PVT1: variants seen among roughly 807,000 people sequenced by gnomAD.
PVT1 encodes CXCR4/PVT1 fusion.
intron 4 of PVT1, among the ~76,000 whole-genome samples, chr8:128,042,965 T>C (rs1813563983): frequency 6.6e-6 from 1 of 151,944 alleles, no homozygotes; most frequent in Non-Finnish European, 1.5e-5. Flanking sequence ...GGTTTCACCA[T>C]GTTGGCCAGG....
chr8:127,939,634 T>G (rs941874462), intron 3 of PVT1: 2 of 152,228 alleles, frequency 1.3e-5, no homozygotes, highest in Non-Finnish European at 2.9e-5. Context: ...CGTGGCTCCC[T>G]TGGTGTTCCC....
intron 3 of PVT1, among the ~76,000 whole-genome samples, chr8:127,903,227 GTCT>G (rs1370944197): frequency 6.6e-6 from 1 of 152,226 alleles, no homozygotes; most frequent in Non-Finnish European, 1.5e-5. Flanking sequence ...CTGCATGAAT[GTCT>G]TCTTTTGAGC....
At chr8:127,874,684 G>A (rs1014314054) in intron 2 of PVT1, among the ~76,000 whole-genome samples, 1 of 152,212 alleles carries the variant, frequency 6.6e-6, no homozygotes, top group African/African-American at 2.4e-5. Flanking sequence ...TGGCCTGATT[G>A]TGAAGCGGGT....
intron 3 of PVT1, among the ~76,000 whole-genome samples, chr8:127,987,091 C>T (rs1301998629): frequency 6.6e-6 from 1 of 152,156 alleles, no homozygotes; most frequent in Admixed American, 6.5e-5. Context: ...TTATGTGTCT[C>T]CTGATTTCTT....
chr8:128,090,697 C>T (rs992490541), intron 5 of PVT1, among the ~76,000 whole-genome samples: 2 of 152,100 alleles, frequency 1.3e-5, no homozygotes, highest in Non-Finnish European at 2.9e-5. Flanking sequence ...ACACTTTGCT[C>T]ATTAATGTCA....
At chr8:128,015,984 T>C (rs1817368323) in intron 4 of PVT1, among the ~76,000 whole-genome samples, 1 of 151,968 alleles carries the variant, frequency 6.6e-6, no homozygotes, top group Admixed American at 6.6e-5. Context: ...CTACAATCAT[T>C]TCACTTGCCA....
chr8:127,990,176 C>G (rs1003035612), intron 4 of PVT1, among the ~76,000 whole-genome samples: 1 of 152,182 alleles, frequency 6.6e-6, no homozygotes, highest in Admixed American at 6.5e-5. Flanking sequence ...GTGCCCAGCC[C>G]CTTACCCAAA....
intron 4 of PVT1, among the ~76,000 whole-genome samples, chr8:128,044,899 C>T (rs1205058551): frequency 6.6e-6 from 1 of 152,206 alleles, no homozygotes; most frequent in Non-Finnish European, 1.5e-5. Context: ...AGCATTCCTA[C>T]AATCTTGTAC....
At chr8:128,010,826 C>T (rs1817306169) in intron 4 of PVT1, among the ~76,000 whole-genome samples, 1 of 152,174 alleles carries the variant, frequency 6.6e-6, no homozygotes, top group Non-Finnish European at 1.5e-5. Context: ...GATCTCACTA[C>T]AACAGCAGAA....
At chr8:127,878,798 C>T (rs1815433031) in intron 2 of PVT1, among the ~76,000 whole-genome samples, 2 of 152,236 alleles carry the variant, frequency 1.3e-5, no homozygotes. Flanking sequence ...TCCCTGGATG[C>T]TGCCCACAGG....
At chr8:127,921,127 C>G (rs1052210483) in intron 3 of PVT1, among the ~76,000 whole-genome samples, 1 of 152,102 alleles carries the variant, frequency 6.6e-6, no homozygotes, top group Non-Finnish European at 1.5e-5. Context: ...CGTTTTGTAC[C>G]AGCTGCAGGG....
rs142670740 is a variant in PVT1 at position 127,869,996 on chromosome 8, G to T, written n.373-20593G>T. ...TTTTTGTACTTTTAGTAGAGACAGG[G>T]TGTCACCATGTTGGCCAGGCTGGTC... On this transcript the variant is annotated intron_variant and non_coding_transcript_variant, in intron 2 of 10. Transcript: ENST00000651587. Among the ~76,000 whole-genome samples, 1,145 of 152,218 alleles carry T rather than the reference G, an allele frequency of 7.5e-3. 1 individual carries two copies. The highest frequency in any genetic ancestry group is 0.01 in the Non-Finnish European group (696 of 68,020).
At chr8:128,077,995 G>T (rs186240677) in intron 5 of PVT1, among the ~76,000 whole-genome samples, 1 of 152,206 alleles carries the variant, frequency 6.6e-6, no homozygotes, top group African/African-American at 2.4e-5. Flanking sequence ...GAGAGGGGTC[G>T]TGGGGATGGT....
At chr8:127,996,566 G>A (rs1412468782) in intron 4 of PVT1, 1 of 151,894 alleles carries the variant, frequency 6.6e-6, no homozygotes, top group African/African-American at 2.4e-5. Context: ...TGCAGAGTGT[G>A]GGCACCCTGG....
chr8:127,936,757 C>G (rs1231201946), intron 3 of PVT1, among the ~76,000 whole-genome samples: 1 of 152,174 alleles, frequency 6.6e-6, no homozygotes, highest in African/African-American at 2.4e-5. Context: ...GAACCTCACC[C>G]CTAATGTAAC....
chr8:128,008,596 T>C (rs534640309), intron 4 of PVT1, among the ~76,000 whole-genome samples: 57 of 152,348 alleles, frequency 3.7e-4, no homozygotes, highest in Admixed American at 1.6e-3. Context: ...TGCTTCTAAA[T>C]GTTAGTTTCA....
At chr8:128,067,949 T>TCG (rs1554609000) in intron 4 of PVT1, among the ~76,000 whole-genome samples, 8 of 93,914 alleles carry the variant, frequency 8.5e-5, no homozygotes, top group Admixed American at 5.3e-4. Flanking sequence ...CTAACATACT[T>TCG]TGTGTTTTTT....
chr8:127,867,619 G>A (rs1159783027), intron 2 of PVT1, among the ~76,000 whole-genome samples: 1 of 152,186 alleles, frequency 6.6e-6, no homozygotes, highest in Non-Finnish European at 1.5e-5. Flanking sequence ...CCTCTGGGCT[G>A]GCCTTGATTG....
chr8:127,959,098 G>A (rs1432460489), intron 3 of PVT1, among the ~76,000 whole-genome samples: 1 of 152,272 alleles, frequency 6.6e-6, no homozygotes, highest in East Asian at 1.9e-4. Context: ...GTGGCTCTAA[G>A]GGAGAAAGAG....
Sources: gnomAD v4.1 joint callset for allele counts (sites outside exome capture counted in the v4.1 genomes callset) on GRCh38, gnomAD v4.1.1 for gene constraint, MANE v1.5 for transcripts, NCBI Gene and HGNC (gene_info 2026-07-23, HGNC 2026-07-21) for gene names.